KSR2: variants seen among roughly 807,000 people sequenced by gnomAD.
KSR2 encodes kinase suppressor of ras 2.
KSR2 carries 25 observed loss-of-function variants against 107.8 expected under a neutral mutation model. The observed-to-expected ratio is 0.23, with a 90% CI of 0.17 to 0.32. KSR2 has a LOEUF of 0.32. Ranked by LOEUF, KSR2 falls within the 10% of genes least tolerant of loss-of-function variation. KSR2 has a pLI of 1.00. For missense variants in KSR2, 887 were observed against 1,268.9 expected, an observed-to-expected ratio of 0.70 and a Z score of 4.57; for synonymous variants, 480 against 507.0, an observed-to-expected ratio of 0.95 and a Z score of 0.71.
At chr12:117,569,124 T>A (rs369633588) in intron 7 of KSR2, among the ~76,000 whole-genome samples, 1 of 152,192 alleles carries the variant, frequency 6.6e-6, no homozygotes, top group East Asian at 1.9e-4. Flanking sequence ...TATCTCCTCA[T>A]CACCTGTGGC....
intron 1 of KSR2, among the ~76,000 whole-genome samples, chr12:117,896,004 AGCCAAGACCAT>A (rs1378061651): frequency 2.0e-5 from 3 of 152,214 alleles, no homozygotes; most frequent in African/African-American, 7.2e-5. Flanking sequence ...GGTTGCAATG[AGCCAAGACCAT>A]GCCACTGCAC....
At chr12:117,607,819 G>A (rs1565923871) in intron 5 of KSR2, among the ~76,000 whole-genome samples, 1 of 152,206 alleles carries the variant, frequency 6.6e-6, no homozygotes, top group Non-Finnish European at 1.5e-5. Flanking sequence ...TGTGACAGGA[G>A]GGCACAGGGT....
At chr12:117,637,801 T>C (rs7952925) in intron 5 of KSR2, among the ~76,000 whole-genome samples, 24,948 of 149,282 alleles carry the variant, frequency 0.17, 2,142 homozygotes, top group Middle Eastern at 0.24. Flanking sequence ...CCTGCCTCAG[T>C]CTTATTTTTA....
chr12:117,874,537 T>C (rs1403653873), intron 1 of KSR2, among the ~76,000 whole-genome samples: 1 of 152,170 alleles, frequency 6.6e-6, no homozygotes, highest in Non-Finnish European at 1.5e-5. Context: ...CTGGCCCGAT[T>C]GTAAATATCA....
intron 4 of KSR2, among the ~76,000 whole-genome samples, chr12:117,746,262 C>T (rs1418142082): frequency 6.6e-6 from 1 of 152,074 alleles, no homozygotes; most frequent in South Asian, 2.1e-4. Context: ...GAACAGAGAC[C>T]TCAGAAATAA....
At chr12:117,792,537 T>A (rs896026205) in intron 3 of KSR2, among the ~76,000 whole-genome samples, 16 of 152,206 alleles carry the variant, frequency 1.1e-4, no homozygotes, top group Non-Finnish European at 1.9e-4. Flanking sequence ...ACATGCAAAG[T>A]GTTCAGCACT....
rs1460965954 is a variant in KSR2 at position 117,459,393 on chromosome 12, A to G, written c.*7806T>C. The stretch of plus-strand genomic sequence containing the variant: ...AGTGAGATAAGGGAGGGTCACTCAT[A>G]TCCATCTTAAGTGGTAACTCGAATG... On this transcript the variant is annotated 3_prime_UTR_variant, in exon 20 of 20. Transcript: ENST00000339824. The G allele has an allele frequency of 6.6e-6, 1 of 152,210 alleles. No individual in the cohort carries two copies. Among genetic ancestry groups the G allele is most frequent in the African/African-American group, 2.4e-5 (1 of 41,442 alleles). 9.4% of individuals were successfully genotyped at this position (152,210 alleles called of 1,614,324 possible). A position where few individuals can be genotyped will look rare whatever the true frequency, so the allele number is the denominator to read the frequency against.
At chr12:117,808,655 C>T (rs1891088818) in intron 3 of KSR2, among the ~76,000 whole-genome samples, 1 of 152,174 alleles carries the variant, frequency 6.6e-6, no homozygotes, top group African/African-American at 2.4e-5. Flanking sequence ...GCATCTCAAT[C>T]TGAAGCCTCT....
intron 1 of KSR2, among the ~76,000 whole-genome samples, chr12:117,863,102 C>T (rs1048393270): frequency 1.3e-5 from 2 of 152,102 alleles, no homozygotes; most frequent in African/African-American, 4.8e-5. Context: ...GCCCACAGTC[C>T]ATCCGGCTGA....
intron 4 of KSR2, among the ~76,000 whole-genome samples, chr12:117,704,014 T>A (rs986223908): frequency 6.6e-6 from 1 of 152,212 alleles, no homozygotes; most frequent in East Asian, 1.9e-4. Context: ...CTTAGCCTTA[T>A]TTTCAGGGCA....
chr12:117,669,648 A>G (rs1432084195), intron 4 of KSR2, among the ~76,000 whole-genome samples: 1 of 152,134 alleles, frequency 6.6e-6, no homozygotes, highest in Admixed American at 6.6e-5. Context: ...TGGGAGAATA[A>G]CTTGAGGCCA....
At chr12:117,904,400 T>C (rs76968966) in intron 1 of KSR2, among the ~76,000 whole-genome samples, 1 of 152,338 alleles carries the variant, frequency 6.6e-6, no homozygotes, top group East Asian at 1.9e-4. Context: ...AGGTGGAGAT[T>C]GGCATTACAG....
chr12:117,593,168 C>T (rs541081831), intron 5 of KSR2, among the ~76,000 whole-genome samples: 1 of 152,288 alleles, frequency 6.6e-6, no homozygotes, highest in East Asian at 1.9e-4. Flanking sequence ...GGACTGTCTC[C>T]TTGACCCAAA....
chr12:117,472,587 C>A (rs1206375050), intron 17 of KSR2, among the ~76,000 whole-genome samples: 1 of 152,168 alleles, frequency 6.6e-6, no homozygotes, highest in Non-Finnish European at 1.5e-5. Context: ...CTAATCAGAG[C>A]ACTGTGTCAA....
At chr12:117,769,357 G>T (rs1045273552) in intron 3 of KSR2, among the ~76,000 whole-genome samples, 1 of 152,068 alleles carries the variant, frequency 6.6e-6, no homozygotes, top group African/African-American at 2.4e-5. Context: ...TCTGGAAGAG[G>T]GGGGATCATG....
intron 1 of KSR2, among the ~76,000 whole-genome samples, chr12:117,930,970 A>G (rs991349629): frequency 2.0e-5 from 3 of 152,142 alleles, no homozygotes; most frequent in African/African-American, 4.8e-5. Flanking sequence ...TCTTTCAAAC[A>G]TCTTTGTCTT....
intron 14 of KSR2, among the ~76,000 whole-genome samples, chr12:117,487,167 T>C (rs369267405): frequency 1.1e-4 from 16 of 152,376 alleles, no homozygotes; most frequent in African/African-American, 3.4e-4. Flanking sequence ...CTGGCTATTA[T>C]AAAAAGTTGT....
chr12:117,480,133 G>T (rs1872075213), intron 16 of KSR2, among the ~76,000 whole-genome samples: 1 of 139,664 alleles, frequency 7.2e-6, no homozygotes, highest in Non-Finnish European at 1.6e-5. Context: ...AAAGTCTTTG[G>T]CATAGGCCAG....
At position 117,487,830 on chromosome 12, in the gene KSR2, C is replaced by G. The variant is rs145849572; in HGVS notation, c.2220-2139G>C. 4.6e-3 allele frequency among the ~76,000 whole-genome samples: 706 copies of G among 152,280 alleles called. 3 individuals carry two copies. The highest frequency in any genetic ancestry group is 0.016 in the African/African-American group (682 of 41,550). On this transcript the variant is annotated intron_variant, in intron 14 of 19. Coordinates refer to ENST00000339824, the MANE Select transcript of KSR2 (RefSeq NM_173598.6). ...AGCAGCTGCTGAAGTCTTTGCTTCT[C>G]TCACTCCCGTATGACCTCAAGAGCT...
Sources: gnomAD v4.1 joint callset for allele counts (sites outside exome capture counted in the v4.1 genomes callset) on GRCh38, gnomAD v4.1.1 for gene constraint, MANE v1.5 for transcripts, NCBI Gene and HGNC (gene_info 2026-07-23, HGNC 2026-07-21) for gene names.